The following SMAD4 variants were observed in gnomAD, a reference collection of about 807,000 sequenced individuals.
SMAD4 encodes the protein MAD homolog 4.
SMAD4 carries 7 observed loss-of-function variants against 63.2 expected under a neutral mutation model. The ratio of observed to expected loss-of-function variants is 0.11; its 90% confidence interval spans 0.06 to 0.21. The LOEUF is 0.21. Among genes scored for constraint, SMAD4 ranks in the 10% least tolerant of loss-of-function variants. The probability of loss-of-function intolerance (pLI) is 1.00; values close to 1 mark genes in which losing one functional copy is unlikely to be tolerated. For synonymous variants in SMAD4, 215 were observed against 235.4 expected (o/e 0.91, Z 0.79); for missense variants, 312 against 693.8 (o/e 0.45, Z 6.18).
In SMAD4 at chr18:51,081,149, T is replaced by C. The variant is rs557955183; in HGVS notation, c.*2682T>C. 1.4e-5 allele frequency: 3 copies of C among 220,634 alleles called. No homozygotes were observed. Among genetic ancestry groups the C allele is most frequent in the Non-Finnish European group, 2.7e-5 (3 of 110,306 alleles). 13.7% of individuals were successfully genotyped at this position (220,634 alleles called of 1,614,324 possible). A position where few individuals can be genotyped will look rare whatever the true frequency, so the allele number is the denominator to read the frequency against. On this transcript the variant is annotated 3_prime_UTR_variant, in exon 12 of 12. Transcript: ENST00000342988. ...CTTTGATGAATAAGACTAAAGATTC[T>C]CACAGGTTTAAAATTTTATGTCTAC...
intron 3 of SMAD4, 65 bp downstream of exon 3, chr18:51,048,925 T>G (rs1312411525): frequency 3.5e-6 from 5 of 1,412,320 alleles, no homozygotes; most frequent in Non-Finnish European, 4.0e-6. Context: ...GTGTTTCAAT[T>G]TTTGTAAGTT....
At chr18:51,050,801 T>C (rs1189873532) in intron 4 of SMAD4, among the ~76,000 whole-genome samples, 4 of 152,102 alleles carry the variant, frequency 2.6e-5, no homozygotes, top group African/African-American at 7.2e-5. Context: ...AACCAAAATT[T>C]AGGAAGAGTA....
chr18:51,076,133 T>G (rs1910465901), intron 10 of SMAD4, among the ~76,000 whole-genome samples: 1 of 152,218 alleles, frequency 6.6e-6, no homozygotes, highest in African/African-American at 2.4e-5. Flanking sequence ...GGATATTATT[T>G]TGCTTCTATT....
At position 51,054,960 on chromosome 18, in the gene SMAD4, G is replaced by A. The variant is rs863224732; in HGVS notation, c.634G>A (p.Ala212Thr). 2 of 1,614,060 alleles carry A rather than the reference G, an allele frequency of 1.2e-6. No individual in the cohort carries two copies. Among genetic ancestry groups the A allele is most frequent in the African/African-American group, 1.3e-5 (1 of 75,038 alleles). Residue 212 changes from alanine (A) to threonine (T), a missense_variant, in exon 5 of 12, where the codon GCC becomes ACC. By Grantham distance (58) the Ala-to-Thr change is moderately conservative (BLOSUM62 0). Around this residue, in one of 4 missense-constraint regions of SMAD4, gnomAD observed 169 missense variants for 211.0 expected, o/e 0.80. Transcript: ENST00000342988. ...ATCTGAGTCTAATGCTACCAGCACT[G>A]CCAACTTTCCCAACATTCCTGTGGC... ...APSESNATST[A>T]NFPNIPVAST...
At chr18:51,054,612 T>C in intron 4 of SMAD4, 169 bp from the exon 5 acceptor site, 1 of 598,946 alleles carries the variant, frequency 1.7e-6, no homozygotes, top group Non-Finnish European at 2.9e-6. Context: ...AAATGACTTT[T>C]GCTGGTAAAG....
intron 2 of SMAD4, among the ~76,000 whole-genome samples, chr18:51,048,198 C>T (rs1909603067): frequency 1.3e-5 from 2 of 152,002 alleles, no homozygotes; most frequent in Non-Finnish European, 2.9e-5. Context: ...TTACTTTTGC[C>T]CAAGCTGGAG....
chr18:51,038,252 G>GGA (rs71171373), intron 1 of SMAD4, among the ~76,000 whole-genome samples: 1,929 of 71,606 alleles, frequency 0.027, 92 homozygotes, highest in Admixed American at 0.13. Flanking sequence ...GCGAGACTGT[G>GGA]GGGGGGGGGG....
In SMAD4 at chr18:51,081,521, T is replaced by A. The variant is rs939497957; in HGVS notation, c.*3054T>A. 9 of 231,732 alleles carry A rather than the reference T, an allele frequency of 3.9e-5. No individual in the cohort carries two copies. Among genetic ancestry groups the A allele is most frequent in the African/African-American group, 2.0e-4 (9 of 45,262 alleles). 14.4% of individuals were successfully genotyped at this position (231,732 alleles called of 1,614,324 possible). ...GGCTGTTTTGTATTGCTGTAACCAC[T>A]AAATAGGTTGCCTATACCATTCCTC... On this transcript the variant is annotated 3_prime_UTR_variant, in exon 12 of 12. Coordinates refer to ENST00000342988, the MANE Select transcript of SMAD4 (RefSeq NM_005359.6).
chr18:51,065,725 A>G, intron 9 of SMAD4, 119 bp downstream of exon 9: 1 of 784,146 alleles, frequency 1.3e-6, no homozygotes, highest in Non-Finnish European at 2.0e-6. Flanking sequence ...ATAAAGGAAT[A>G]AAGGTCATGT....
intron 1 of SMAD4, among the ~76,000 whole-genome samples, chr18:51,039,505 AC>A (rs1053997657): frequency 2.6e-5 from 2 of 76,362 alleles, no homozygotes; most frequent in Non-Finnish European, 5.4e-5. Context: ...CCACCCCCCC[AC>A]CCCCCGTAGT....
chr18:51,033,497 G>A (rs758701640), intron 1 of SMAD4, among the ~76,000 whole-genome samples: 5 of 152,150 alleles, frequency 3.3e-5, no homozygotes, highest in Non-Finnish European at 7.3e-5. Flanking sequence ...TCCTATAACA[G>A]CATTTAATAC....
At position 51,075,717 on chromosome 18, in the gene SMAD4, C is replaced by G. The variant is rs547030755; in HGVS notation, c.1309-921C>G. ...AATATAAGGGTAGATATGGCAACCCCTTCCTTACTATGCCAGTTCTTCACT... is the reference window on the plus strand; with the variant it reads ...AATATAAGGGTAGATATGGCAACCCGTTCCTTACTATGCCAGTTCTTCACT... On this transcript the variant is annotated intron_variant, in intron 10 of 11. Transcript: ENST00000342988. 6.6e-5 allele frequency among the ~76,000 whole-genome samples: 10 copies of G among 152,226 alleles called. No individual in the cohort carries two copies. The South Asian group carries it at 2.1e-3, about 32-fold the overall frequency.
intron 1 of SMAD4, among the ~76,000 whole-genome samples, chr18:51,036,762 T>C (rs1909217907): frequency 6.6e-6 from 1 of 152,190 alleles, no homozygotes; most frequent in Non-Finnish European, 1.5e-5. Context: ...GCCCCACCCT[T>C]GATTCTAGTT....
chr18:51,042,297 C>CT (rs1909407722), intron 1 of SMAD4, among the ~76,000 whole-genome samples: 1 of 67,998 alleles, frequency 1.5e-5, no homozygotes, highest in African/African-American at 4.2e-5. Flanking sequence ...GCCTCCCTCC[C>CT]TCCTTCCCTC....
rs2144405559 is a variant in SMAD4 at position 51,048,760 on chromosome 18, A to G, written c.324A>G (p.Glu108=). 1 of 1,614,122 alleles carries G rather than the reference A, an allele frequency of 6.2e-7. No homozygotes were observed. Among genetic ancestry groups the G allele is most frequent in the South Asian group, 1.1e-5 (1 of 91,078 alleles). The change falls in exon 3 of 12, where the codon GAA becomes GAG. Residue 108 remains glutamate, a synonymous_variant. Coordinates refer to ENST00000342988, the MANE Select transcript of SMAD4 (RefSeq NM_005359.6). ...GGTGGCCTGATCTTCACAAAAATGA[A>G]CTAAAACATGTTAAATATTGTCAGT... is the stretch of plus-strand genomic sequence containing the variant. ...LWRWPDLHKN[E]LKHVKYCQYA...
At position 51,080,236 on chromosome 18, in the gene SMAD4, A is replaced by G. The variant is rs1427303706; in HGVS notation, c.*1769A>G. On this transcript the variant is annotated 3_prime_UTR_variant, in exon 12 of 12. Transcript: ENST00000342988. ...ATCCTAGAAACCACTGAGTTTGCTT[A>G]TTTCTGTGATTTAAACATAGATCTT... 4.3e-6 allele frequency: 1 copy of G among 232,036 alleles called. No homozygotes were observed. The highest frequency in any genetic ancestry group is 8.5e-6 in the Non-Finnish European group (1 of 117,448). The allele number at this position is 232,036 out of a possible 1,614,324, so 14.4% of individuals were successfully genotyped here.
rs767272084 is a variant in SMAD4 at position 51,080,369 on chromosome 18, A to T, written c.*1902A>T. ...TAAACACCTAATTTTCTTCTGTAAA[A>T]GTTTGGTGATTTAAGTTTTATTGGC... is the stretch of plus-strand genomic sequence containing the variant. On this transcript the variant is annotated 3_prime_UTR_variant, in exon 12 of 12. Transcript: ENST00000342988. 6 of 231,598 alleles carry T rather than the reference A, an allele frequency of 2.6e-5. No homozygotes were observed. Among genetic ancestry groups the T allele is most frequent in the Non-Finnish European group, 5.1e-5 (6 of 117,194 alleles). The allele number at this position is 231,598 out of a possible 1,614,324, so 14.3% of individuals were successfully genotyped here.
At chr18:51,068,374 G>A (rs1212303063) in intron 10 of SMAD4, among the ~76,000 whole-genome samples, 1 of 152,030 alleles carries the variant, frequency 6.6e-6, no homozygotes, top group African/African-American at 2.4e-5. Context: ...ATTCCAAACA[G>A]CATAGTCACT....
rs1338819508 is a variant in SMAD4 at position 51,081,614 on chromosome 18, G to GT, written c.*3148dup. ...GGAGAGCCATACTTGAGACATGTGA[G>GT]TAAACTGAACTCATATTAGCTGTGC... On this transcript the variant is annotated 3_prime_UTR_variant, in exon 12 of 12. Transcript: ENST00000342988. 8.6e-6 allele frequency: 2 copies of GT among 232,700 alleles called. No homozygotes were observed. Among genetic ancestry groups the GT allele is most frequent in the Non-Finnish European group, 1.7e-5 (2 of 117,750 alleles). 14.4% of individuals were successfully genotyped at this position (232,700 alleles called of 1,614,324 possible). A position where few individuals can be genotyped will look rare whatever the true frequency, so the allele number is the denominator to read the frequency against.
Sources: allele counts gnomAD v4.1 joint callset (sites outside exome capture counted in the v4.1 genomes callset), GRCh38; gene constraint gnomAD v4.1.1; regional missense constraint gnomAD v4.1.1; transcripts MANE v1.5; gene names NCBI Gene and HGNC (gene_info 2026-07-23, HGNC 2026-07-21).